TACR3: variants seen among roughly 807,000 people sequenced by gnomAD.
TACR3 encodes the protein tachykinin receptor 3.
A neutral mutation model predicts 35.0 loss-of-function variants in TACR3; 34 were observed. The ratio of observed to expected loss-of-function variants is 0.97; its 90% CI spans 0.74 to 1.30. The LOEUF is 1.30. TACR3 is among the 50% of genes most tolerant of loss of function. TACR3 has a pLI of 0.00. For missense variants in TACR3, 558 were observed against 591.7 expected (o/e 0.94, Z 0.59); for synonymous variants, 233 against 221.1 (o/e 1.05, Z -0.48).
intron 3 of TACR3, among the ~76,000 whole-genome samples, chr4:103,654,277 G>A (rs1725683364): frequency 6.6e-6 from 1 of 151,454 alleles, no homozygotes; most frequent in African/African-American, 2.4e-5. Context: ...ATTCACAATA[G>A]CAAAGACTTG....
intron 3 of TACR3, among the ~76,000 whole-genome samples, chr4:103,599,623 C>T (rs553253704): frequency 2.7e-4 from 41 of 152,206 alleles, no homozygotes; most frequent in African/African-American, 6.0e-4. Context: ...TTTTGAGATA[C>T]GTCCCATCAA....
At chr4:103,640,065 T>C (rs1560818605) in intron 3 of TACR3, among the ~76,000 whole-genome samples, 2 of 152,122 alleles carry the variant, frequency 1.3e-5, no homozygotes, top group Admixed American at 1.3e-4. Flanking sequence ...CTTTGACATA[T>C]ATATTACCTA....
intron 1 of TACR3, among the ~76,000 whole-genome samples, chr4:103,681,800 C>T (rs146227620): frequency 2.0e-4 from 30 of 151,948 alleles, no homozygotes; most frequent in African/African-American, 6.8e-4. Context: ...CAAACAAGAG[C>T]AGAATATATA....
chr4:103,638,337 G>A (rs974778821), intron 3 of TACR3, among the ~76,000 whole-genome samples: 2 of 151,702 alleles, frequency 1.3e-5, no homozygotes, highest in African/African-American at 4.9e-5. Flanking sequence ...CAAGAAATGG[G>A]GAAAGGATTC....
intron 3 of TACR3, among the ~76,000 whole-genome samples, chr4:103,592,038 T>C (rs1256305389): frequency 2.0e-5 from 3 of 152,122 alleles, no homozygotes; most frequent in Non-Finnish European, 4.4e-5. Flanking sequence ...CATTGTACGA[T>C]AGTGGAGATA....
At chr4:103,603,192 A>T (rs1161441464) in intron 3 of TACR3, among the ~76,000 whole-genome samples, 1 of 152,232 alleles carries the variant, frequency 6.6e-6, no homozygotes, top group Non-Finnish European at 1.5e-5. Context: ...GGACCCTCCT[A>T]GCCATGTGCG....
intron 1 of TACR3, among the ~76,000 whole-genome samples, chr4:103,692,321 G>T (rs953078053): frequency 1.3e-5 from 2 of 152,078 alleles, no homozygotes; most frequent in African/African-American, 4.8e-5. Context: ...TAAATATAAA[G>T]AAGGACATTT....
chr4:103,707,104 C>T (rs894136520), intron 1 of TACR3, among the ~76,000 whole-genome samples: 12 of 152,324 alleles, frequency 7.9e-5, no homozygotes, highest in Admixed American at 1.3e-4. Context: ...TAAAAATACA[C>T]AGGAAACCTG....
At chr4:103,619,401 G>A (rs1203144797) in intron 3 of TACR3, among the ~76,000 whole-genome samples, 1 of 152,136 alleles carries the variant, frequency 6.6e-6, no homozygotes, top group Admixed American at 6.5e-5. Context: ...TGTTGGCCAG[G>A]CTGGTCTTGA....
rs1723806587 is a variant in TACR3, at chr4:103,587,952, A to G, written c.*1730T>C. The G allele has an allele frequency of 1.3e-5, 2 of 151,820 alleles. No homozygotes were observed. Among genetic ancestry groups the G allele is most frequent in the South Asian group, 4.1e-4 (2 of 4,830 alleles). 9.4% of individuals were successfully genotyped at this position (151,820 alleles called of 1,614,324 possible). ...TCTTTGAAGTTGTTGCATTCATTAA[A>G]TGATTGAATGTGTAGGCACATTTGT... is the stretch of plus-strand genomic sequence containing the variant. On this transcript the variant is annotated 3_prime_UTR_variant, in exon 5 of 5. Coordinates refer to ENST00000304883, the MANE Select transcript of TACR3 (RefSeq NM_001059.3).
intron 1 of TACR3, among the ~76,000 whole-genome samples, chr4:103,669,371 A>T (rs1019475749): frequency 1.3e-5 from 2 of 152,160 alleles, no homozygotes; most frequent in Non-Finnish European, 2.9e-5. Flanking sequence ...TAAAATATAT[A>T]TCTAGCACTG....
intron 3 of TACR3, among the ~76,000 whole-genome samples, chr4:103,651,856 C>G (rs1004521299): frequency 2.6e-5 from 4 of 152,020 alleles, no homozygotes; most frequent in African/African-American, 9.7e-5. Flanking sequence ...GGGTTCCCTT[C>G]TAGTCCAGGT....
At chr4:103,700,652 T>C (rs1722628610) in intron 1 of TACR3, among the ~76,000 whole-genome samples, 2 of 152,188 alleles carry the variant, frequency 1.3e-5, no homozygotes, top group Admixed American at 1.3e-4. Flanking sequence ...CAGAACTGTC[T>C]TTACAATTTA....
At chr4:103,689,436 G>A (rs1224718351) in intron 1 of TACR3, among the ~76,000 whole-genome samples, 1 of 151,742 alleles carries the variant, frequency 6.6e-6, no homozygotes, top group Non-Finnish European at 1.5e-5. Context: ...AAAATTAATA[G>A]TAAACCAATA....
intron 3 of TACR3, among the ~76,000 whole-genome samples, chr4:103,641,551 G>A (rs1040185068): frequency 6.6e-6 from 1 of 151,910 alleles, no homozygotes; most frequent in African/African-American, 2.4e-5. Flanking sequence ...CAGCCATTGC[G>A]TAAAACAGTA....
intron 1 of TACR3, among the ~76,000 whole-genome samples, chr4:103,705,387 A>G (rs1722764552): frequency 6.6e-6 from 1 of 152,042 alleles, no homozygotes; most frequent in African/African-American, 2.4e-5. Flanking sequence ...TACTTTTATA[A>G]TTCATTTATT....
rs539205802 is a variant in TACR3, at chr4:103,665,766, CA to C, written c.549-7364del. On this transcript the variant is annotated intron_variant, in intron 1 of 4. Coordinates refer to ENST00000304883, the MANE Select transcript of TACR3 (RefSeq NM_001059.3). ...GTGTGATGGCCTGTGTGCTCAGTAC[CA>C]TACCCCATGATTTTTAAAGTTACCA... is the stretch of plus-strand genomic sequence containing the variant. Among the ~76,000 whole-genome samples, 957 of 152,232 alleles carry C rather than the reference CA, an allele frequency of 6.3e-3. 7 individuals carry two copies. The highest frequency in any genetic ancestry group is 0.017 in the South Asian group (81 of 4,824).
chr4:103,640,669 T>G (rs1202451974), intron 3 of TACR3, among the ~76,000 whole-genome samples: 1 of 151,988 alleles, frequency 6.6e-6, no homozygotes, highest in Non-Finnish European at 1.5e-5. Flanking sequence ...ACAGGCTGCA[T>G]GTGGCCCAGG....
intron 1 of TACR3, among the ~76,000 whole-genome samples, chr4:103,678,214 T>A (rs1003747429): frequency 6.6e-6 from 1 of 151,734 alleles, no homozygotes; most frequent in Non-Finnish European, 1.5e-5. Context: ...TAGGAATTCA[T>A]TCCTTTCAGT....
Sources: gnomAD v4.1 joint callset for allele counts (sites outside exome capture counted in the v4.1 genomes callset) on GRCh38, gnomAD v4.1.1 for gene constraint, MANE v1.5 for transcripts, NCBI Gene and HGNC (gene_info 2026-07-23, HGNC 2026-07-21) for gene names.